TMTC2: variants seen among roughly 807,000 people sequenced by gnomAD.
TMTC2 encodes transmembrane O-mannosyltransferase targeting cadherins 2, also known as protein O-mannosyl-transferase TMTC2.
In TMTC2, 43 loss-of-function variants were observed where a neutral mutation model predicts 82.4. That is an observed-to-expected ratio of 0.52 (90% CI 0.41 to 0.67). The LOEUF (loss-of-function observed/expected upper bound fraction) is 0.67. TMTC2 is among the 30% of genes least tolerant of loss of function. The pLI is 0.00. For synonymous variants in TMTC2, 408 were observed against 381.9 expected, an observed-to-expected ratio of 1.07 and a Z score of -0.80; for missense variants, 919 against 1,012.4, an observed-to-expected ratio of 0.91 and a Z score of 1.25.
intron 1 of TMTC2, among the ~76,000 whole-genome samples, chr12:82,715,789 C>CA (rs1162803934): frequency 6.6e-6 from 1 of 151,948 alleles, no homozygotes. Context: ...TTCAGCATGT[C>CA]AAAAAACCAT....
chr12:82,903,692 C>T (rs577005185), intron 3 of TMTC2, among the ~76,000 whole-genome samples: 1 of 152,220 alleles, frequency 6.6e-6, no homozygotes, highest in Non-Finnish European at 1.5e-5. Flanking sequence ...GGATTACAGG[C>T]GTGAGCCACC....
intron 1 of TMTC2, among the ~76,000 whole-genome samples, chr12:82,816,269 A>G (rs1302078656): frequency 6.6e-6 from 1 of 152,048 alleles, no homozygotes; most frequent in Non-Finnish European, 1.5e-5. Flanking sequence ...AAATCATTTC[A>G]AAATGAACGT....
intron 7 of TMTC2, among the ~76,000 whole-genome samples, chr12:82,967,574 T>C (rs1878268928): frequency 6.6e-6 from 1 of 152,050 alleles, no homozygotes; most frequent in Non-Finnish European, 1.5e-5. Flanking sequence ...AAAATATCTA[T>C]CATCTGTGAT....
chr12:83,041,995 G>A (rs912174413), intron 9 of TMTC2, among the ~76,000 whole-genome samples: 1 of 152,162 alleles, frequency 6.6e-6, no homozygotes, highest in African/African-American at 2.4e-5. Flanking sequence ...TTTTGACTTG[G>A]CAAGCAAATC....
intron 4 of TMTC2, among the ~76,000 whole-genome samples, chr12:82,951,936 G>GA (rs974795015): frequency 5.3e-5 from 8 of 150,410 alleles, no homozygotes; most frequent in African/African-American, 7.3e-5. Flanking sequence ...TATGATTTGA[G>GA]AAAAAAAAAT....
chr12:82,792,225 T>C (rs562858082), intron 1 of TMTC2, among the ~76,000 whole-genome samples: 1 of 152,236 alleles, frequency 6.6e-6, no homozygotes, highest in East Asian at 1.9e-4. Flanking sequence ...AAATGTTCTG[T>C]ATAAAGCACC....
chr12:83,029,870 C>G (rs1881354190), intron 8 of TMTC2, among the ~76,000 whole-genome samples: 1 of 152,054 alleles, frequency 6.6e-6, no homozygotes, highest in South Asian at 2.1e-4. Flanking sequence ...AACGTTCACC[C>G]CTGTTTTTTG....
intron 11 of TMTC2, among the ~76,000 whole-genome samples, chr12:83,082,525 T>G (rs1883505733): frequency 6.6e-6 from 1 of 152,224 alleles, no homozygotes; most frequent in South Asian, 2.1e-4. Flanking sequence ...ATATAGACTG[T>G]GCTTTCAGGT....
At chr12:82,890,298 A>T (rs1873330944) in intron 2 of TMTC2, among the ~76,000 whole-genome samples, 1 of 151,476 alleles carries the variant, frequency 6.6e-6, no homozygotes, top group African/African-American at 2.4e-5. Flanking sequence ...TATTTAAGAC[A>T]TTTTTTCTCC....
intron 1 of TMTC2, among the ~76,000 whole-genome samples, chr12:82,765,679 A>C (rs1876910232): frequency 1.4e-5 from 2 of 143,162 alleles, no homozygotes; most frequent in African/African-American, 5.2e-5. Flanking sequence ...CATCTCGAAA[A>C]AACAAAACAA....
intron 8 of TMTC2, among the ~76,000 whole-genome samples, chr12:82,994,383 G>T (rs949976939): frequency 6.6e-6 from 1 of 151,940 alleles, no homozygotes; most frequent in African/African-American, 2.4e-5. Flanking sequence ...TGCCCACCTC[G>T]GCCTCCCAAA....
At chr12:82,953,859 GT>G (rs1877477894) in intron 4 of TMTC2, among the ~76,000 whole-genome samples, 2 of 150,750 alleles carry the variant, frequency 1.3e-5, no homozygotes, top group South Asian at 2.1e-4. Flanking sequence ...AAAACCCTTA[GT>G]TTCATAGTCC....
At chr12:83,102,531 A>G (rs541254480) in intron 11 of TMTC2, among the ~76,000 whole-genome samples, 1 of 152,222 alleles carries the variant, frequency 6.6e-6, no homozygotes, top group Non-Finnish European at 1.5e-5. Flanking sequence ...ACAGTCATGC[A>G]TGTGATAAGT....
At chr12:82,914,817 ATTTTTTT>A (rs71068958) in intron 3 of TMTC2, among the ~76,000 whole-genome samples, 30 of 86,434 alleles carry the variant, frequency 3.5e-4, no homozygotes, top group South Asian at 1.6e-3. Context: ...CAACTCACTT[ATTTTTTT>A]TTTTTTTTTT....
chr12:82,937,767 T>TATAC (rs1876436699), intron 4 of TMTC2, among the ~76,000 whole-genome samples: 1 of 20,350 alleles, frequency 4.9e-5, no homozygotes, highest in Non-Finnish European at 1.0e-4. Flanking sequence ...TATATATATA[T>TATAC]ATATATATAT....
At chr12:83,047,159 G>A (rs891495623) in intron 9 of TMTC2, among the ~76,000 whole-genome samples, 1 of 152,180 alleles carries the variant, frequency 6.6e-6, no homozygotes, top group Non-Finnish European at 1.5e-5. Flanking sequence ...ACTATGGGAA[G>A]CCCAATTAAT....
At chr12:82,814,293 G>C (rs1244760008) in intron 1 of TMTC2, among the ~76,000 whole-genome samples, 2 of 152,110 alleles carry the variant, frequency 1.3e-5, no homozygotes, top group African/African-American at 4.8e-5. Context: ...TGAAGAAGGG[G>C]AACTATCCAT....
intron 4 of TMTC2, among the ~76,000 whole-genome samples, chr12:82,940,090 G>A (rs556082089): frequency 2.1e-4 from 30 of 141,958 alleles, no homozygotes; most frequent in African/African-American, 7.3e-4. Flanking sequence ...GCGCGATCTC[G>A]GCTCACAGCA....
chr12:82,733,139 G>A (rs561944887), intron 1 of TMTC2, among the ~76,000 whole-genome samples: 1 of 152,086 alleles, frequency 6.6e-6, no homozygotes, highest in South Asian at 2.1e-4. Flanking sequence ...TGTTAAGAAA[G>A]TAAGTTGAGT....
Sources: gnomAD v4.1 joint callset for allele counts (sites outside exome capture counted in the v4.1 genomes callset) on GRCh38, gnomAD v4.1.1 for gene constraint, MANE v1.5 for transcripts, NCBI Gene and HGNC (gene_info 2026-07-23, HGNC 2026-07-21) for gene names.